ANKS1A: variants seen among roughly 807,000 people sequenced by gnomAD.
ANKS1A encodes ankyrin repeat and sterile alpha motif domain containing 1A, also known as ankyrin repeat and SAM domain-containing protein 1A.
Under a neutral mutation model 120.3 loss-of-function variants are expected in ANKS1A, and 55 were observed. That is an observed-to-expected ratio of 0.46 (90% confidence interval 0.37 to 0.57). The LOEUF is 0.57. Ranked by LOEUF, ANKS1A falls within the 20% of genes least tolerant of loss-of-function variation. The pLI is 0.00. For synonymous variants in ANKS1A, 590 were observed against 604.7 expected, an observed-to-expected ratio of 0.98 and a Z score of 0.36; for missense variants, 1,123 against 1,480.3, an observed-to-expected ratio of 0.76 and a Z score of 3.96.
chr6:35,090,409 C>T lies in ANKS1A; in HGVS notation c.*1800C>T, dbSNP rs1778237516. On this transcript the variant is annotated 3_prime_UTR_variant, in exon 24 of 24. Transcript: ENST00000360359. ...AAGTGGGCCTCTGTCGGGGGCGGGG[C>T]GGTAGGTCCGAAAGAAACCGCAGAC... 8.3e-7 allele frequency: 1 copy of T among 1,205,626 alleles called. No individual in the cohort carries two copies. Among genetic ancestry groups the T allele is most frequent in the Non-Finnish European group, 1.1e-6 (1 of 949,004 alleles). 74.7% of individuals were successfully genotyped at this position (1,205,626 alleles called of 1,614,324 possible). A position where few individuals can be genotyped will look rare whatever the true frequency, so the allele number is the denominator to read the frequency against.
At chr6:34,931,629 G>C (rs1581709549) in intron 1 of ANKS1A, among the ~76,000 whole-genome samples, 1 of 152,142 alleles carries the variant, frequency 6.6e-6, no homozygotes, top group East Asian at 1.9e-4. Context: ...AAAAAGCTAG[G>C]AGACTCAAAA....
At position 35,079,615 on chromosome 6, in the gene ANKS1A, G is replaced by T; in HGVS notation, c.2383G>T (p.Gly795Cys). ...CTACGTCCATTCCTTCTTGTCAAGT[G>T]GTTACAGCTCCATTGACACCGTGAA... ...QDYVHSFLSS[G>C]YSSIDTVKNL... is the part of the protein sequence containing the mutation. Residue 795 changes from glycine (G) to cysteine (C), a missense_variant, in exon 15 of 24, where the codon GGT becomes TGT. Gly to Cys is a radical substitution (Grantham distance 159). Transcript: ENST00000360359. 6.2e-7 allele frequency: 1 copy of T among 1,614,210 alleles called. No individual in the cohort carries two copies. The highest frequency in any genetic ancestry group is 8.5e-7 in the Non-Finnish European group (1 of 1,180,038).
intron 5 of ANKS1A, 67 bp from the exon 6 acceptor site, chr6:34,983,046 A>G: frequency 6.7e-7 from 1 of 1,495,856 alleles, no homozygotes; most frequent in South Asian, 1.2e-5. Flanking sequence ...ATGTCCTAAA[A>G]TTTGACCCTT....
Position 35,060,310 on chromosome 6 carries a change from C to A in ANKS1A, c.2184+57C>A. 2 of 1,458,694 alleles carry A rather than the reference C, an allele frequency of 1.4e-6. No homozygotes were observed. Among genetic ancestry groups the A allele is most frequent in the South Asian group, 1.2e-5 (1 of 83,264 alleles). 90.4% of individuals were successfully genotyped at this position (1,458,694 alleles called of 1,614,324 possible). ...GTGCTGCTCAGTGGAAACAGGCCTC[C>A]CTGGCCTCCCCTCTGGCCCCACAGG... On this transcript the variant is annotated intron_variant, in intron 13 of 23. Coordinates refer to ENST00000360359, the MANE Select transcript of ANKS1A (RefSeq NM_015245.3). The surrounding 1 kb of genome is among the most constrained non-coding windows in gnomAD (Gnocchi z 4.5).
rs1200093718 is a variant in ANKS1A, at chr6:35,057,375, T to C, written c.2078-2772T>C. 6.6e-5 allele frequency among the ~76,000 whole-genome samples: 10 copies of C among 152,168 alleles called. No individual in the cohort carries two copies. The highest frequency in any genetic ancestry group is 1.0e-4 in the Non-Finnish European group (7 of 68,030). On this transcript the variant is annotated intron_variant, in intron 12 of 23. Transcript: ENST00000360359. The surrounding 1 kb of genome is among the most constrained non-coding windows in gnomAD (Gnocchi z 4.1). The stretch of plus-strand genomic sequence containing the variant: ...TCAAGCAGAAGGGAACTTGCTTGGC[T>C]GTCTTCTGATAAAGCCAGCCATGTT...
rs1777726944 is a variant in ANKS1A, at chr6:35,082,296, G to A, written c.2710-395G>A. 6.6e-6 allele frequency among the ~76,000 whole-genome samples: 1 copy of A among 151,678 alleles called. No homozygotes were observed. Among genetic ancestry groups the A allele is most frequent in the Non-Finnish European group, 1.5e-5 (1 of 67,876 alleles). ...AAGATCCCTCCCAGGCCCTGGGCTG[G>A]GTCCCAAGGCGTCCCAGGGTCTCGT... On this transcript the variant is annotated intron_variant, in intron 17 of 23. Coordinates refer to ENST00000360359, the MANE Select transcript of ANKS1A (RefSeq NM_015245.3). This position sits in a 1 kb window ranked among gnomAD's most constrained non-coding sequence, Gnocchi z 4.1.
At chr6:35,017,354 G>A (rs1481123342) in intron 10 of ANKS1A, 119 bp from the exon 11 acceptor site, 1 of 1,068,608 alleles carries the variant, frequency 9.4e-7, no homozygotes, top group Non-Finnish European at 1.3e-6. Context: ...AGCCTATCCA[G>A]TTTCTCTCTC....
At chr6:34,938,568 C>T (rs1204368407) in intron 1 of ANKS1A, among the ~76,000 whole-genome samples, 2 of 152,246 alleles carry the variant, frequency 1.3e-5, no homozygotes, top group African/African-American at 4.8e-5. Flanking sequence ...CTATTTTGGT[C>T]AAATTTGAAC....
intron 13 of ANKS1A, among the ~76,000 whole-genome samples, chr6:35,070,484 C>CTTTTTTTTTTTTTTTTTTTTTTTT (rs869249276): frequency 4.8e-5 from 3 of 62,970 alleles, no homozygotes; most frequent in Non-Finnish European, 8.6e-5. Context: ...AAGCCTTTAT[C>CTTTTTTTTTTTTTTTTTTTTTTTT]TTTTTTTTTT....
At chr6:34,959,327 G>A (rs190246699) in intron 1 of ANKS1A, among the ~76,000 whole-genome samples, 5 of 152,322 alleles carry the variant, frequency 3.3e-5, no homozygotes, top group Admixed American at 2.6e-4. Flanking sequence ...TCATACTGGG[G>A]TAATGTTGGT....
At chr6:34,979,830 G>T (rs1581588621) in intron 3 of ANKS1A, among the ~76,000 whole-genome samples, 1 of 152,124 alleles carries the variant, frequency 6.6e-6, no homozygotes, top group East Asian at 1.9e-4. Flanking sequence ...ACAACCTGGA[G>T]AATCCTTTTA....
intron 1 of ANKS1A, among the ~76,000 whole-genome samples, chr6:34,935,721 A>G (rs1769213217): frequency 6.6e-6 from 1 of 152,236 alleles, no homozygotes; most frequent in Non-Finnish European, 1.5e-5. Context: ...CCAGCTGCAT[A>G]AGGAGAACCT....
At chr6:35,079,761 G>C in intron 15 of ANKS1A, 60 bp from the exon 16 acceptor site, 1 of 1,609,290 alleles carries the variant, frequency 6.2e-7, no homozygotes. Flanking sequence ...CTGGGGGCTG[G>C]AGCGGACTGT....
chr6:34,931,416 G>A lies in ANKS1A; in HGVS notation c.198-35823G>A, dbSNP rs187170840. ...ACCCACCTTGACCTCCCAAAGTGCT[G>A]GGATTACAGGAGTGAGCCACCGTGC... On this transcript the variant is annotated intron_variant, in intron 1 of 23. Coordinates refer to ENST00000360359, the MANE Select transcript of ANKS1A (RefSeq NM_015245.3). 4.6e-3 allele frequency among the ~76,000 whole-genome samples: 704 copies of A among 152,254 alleles called. 2 individuals carry two copies. Among genetic ancestry groups the A allele is most frequent in the Non-Finnish European group, 8.0e-3 (541 of 68,004 alleles).
chr6:35,072,951 G>C (rs1777153696), intron 13 of ANKS1A, among the ~76,000 whole-genome samples: 1 of 152,222 alleles, frequency 6.6e-6, no homozygotes. Context: ...AGACGACTGG[G>C]GTTGGTCAGA....
At chr6:35,072,762 G>A (rs546519154) in intron 13 of ANKS1A, among the ~76,000 whole-genome samples, 36 of 152,338 alleles carry the variant, frequency 2.4e-4, no homozygotes, top group South Asian at 6.2e-4. Context: ...ATTTATGCGC[G>A]ATGCTGAGAG....
rs78397895 is a variant in ANKS1A, at chr6:34,994,416, A to G, written c.1417A>G (p.Thr473Ala). Reference sequence around the variant, plus strand: ...GAAAGTGGTGTTGGTGGATGGAAAAACAAAAGGTACGTTCCCCACAACTCC... The same window carrying G: ...GAAAGTGGTGTTGGTGGATGGAAAAGCAAAAGGTACGTTCCCCACAACTCC... Reference protein sequence around the residue: ...TKKVVLVDGKTKDHRRSSSSR... With the variant: ...TKKVVLVDGKAKDHRRSSSSR... The change falls in exon 10 of 24, where the codon ACA becomes GCA. Residue 473 changes from threonine (T) to alanine (A), a missense_variant. Thr to Ala is a moderately conservative substitution (Grantham distance 58). This residue lies in a region of ANKS1A where 904 missense variants were observed against 1,130.4 expected (regional missense o/e 0.80). Coordinates refer to ENST00000360359, the MANE Select transcript of ANKS1A (RefSeq NM_015245.3). The G allele has an allele frequency of 9.1e-4, 1,471 of 1,611,988 alleles. 9 individuals are homozygous for G. The African/African-American group carries it at 0.014, about 15-fold the overall frequency.
At chr6:34,911,213 A>G (rs1178244489) in intron 1 of ANKS1A, among the ~76,000 whole-genome samples, 1 of 152,232 alleles carries the variant, frequency 6.6e-6, no homozygotes, top group African/African-American at 2.4e-5. Flanking sequence ...AAGACCTGTG[A>G]ACCTCTGAAC....
In ANKS1A at chr6:35,083,184, G is replaced by T; in HGVS notation, c.2865G>T (p.Leu955=). The change falls in exon 19 of 24, where the codon CTG becomes CTT. Residue 955 remains leucine, a synonymous_variant. Transcript: ENST00000360359. The stretch of plus-strand genomic sequence containing the variant: ...TGGGCTCCATGCTGATCAAAGATCT[G>T]CGAGGGACAGAATCCACGCAAGACG... ...NYLGSMLIKD[L]RGTESTQDAC... 1 of 1,614,114 alleles carries T rather than the reference G, an allele frequency of 6.2e-7. No homozygotes were observed. Among genetic ancestry groups the T allele is most frequent in the South Asian group, 1.1e-5 (1 of 91,076 alleles).
Sources: allele counts gnomAD v4.1 joint callset (sites outside exome capture counted in the v4.1 genomes callset), GRCh38; gene constraint gnomAD v4.1.1; regional missense constraint gnomAD v4.1.1; non-coding constraint Gnocchi (gnomAD v3.1); transcripts MANE v1.5; gene names NCBI Gene and HGNC (gene_info 2026-07-23, HGNC 2026-07-21).